Variants in PPARGC1A observed in about 807,000 individuals in gnomAD.
PPARGC1A encodes PPARG coactivator 1 alpha.
In PPARGC1A, 25 loss-of-function variants were observed where a neutral mutation model predicts 88.7. The observed-to-expected ratio is 0.28, with a 90% CI of 0.21 to 0.39. PPARGC1A has a LOEUF of 0.39. Among genes scored for constraint, PPARGC1A ranks in the 10% least tolerant of loss-of-function variants. The pLI is 1.00. For synonymous variants in PPARGC1A, 363 were observed against 355.6 expected (o/e 1.02, Z -0.24); for missense variants, 880 against 968.7 (o/e 0.91, Z 1.22).
At chr4:24,314,522 G>A in the PPARGC1A span, among the ~76,000 whole-genome samples, 3 of 152,136 alleles carry the variant, frequency 2.0e-5, no homozygotes, top group South Asian at 2.1e-4. Flanking sequence ...CCTAGCCTCC[G>A]GAGCAACTCC....
the PPARGC1A span, among the ~76,000 whole-genome samples, chr4:24,187,005 C>T: frequency 5.3e-5 from 8 of 152,266 alleles, no homozygotes; most frequent in East Asian, 1.5e-3. Flanking sequence ...CATTACTCTT[C>T]CTACAATGAG....
At chr4:24,122,422 T>TGC in the PPARGC1A span, among the ~76,000 whole-genome samples, 46 of 126,444 alleles carry the variant, frequency 3.6e-4, no homozygotes, top group African/African-American at 9.0e-4. Flanking sequence ...TGTGCATATA[T>TGC]ATATATATAT....
chr4:24,040,570 T>C, the PPARGC1A span, among the ~76,000 whole-genome samples: 3 of 152,166 alleles, frequency 2.0e-5, no homozygotes, highest in Non-Finnish European at 2.9e-5. Context: ...ATAAAGCTTT[T>C]TAAGAGTACA....
chr4:24,010,772 C>T, the PPARGC1A span, among the ~76,000 whole-genome samples: 3 of 152,160 alleles, frequency 2.0e-5, no homozygotes, highest in Non-Finnish European at 4.4e-5. Flanking sequence ...TTTACACAGC[C>T]TCCTCTGAGC....
chr4:24,284,910 C>A, the PPARGC1A span, among the ~76,000 whole-genome samples: 1 of 152,046 alleles, frequency 6.6e-6, no homozygotes, highest in Non-Finnish European at 1.5e-5. Flanking sequence ...TGCCTGTAAT[C>A]CCAGCTACTT....
the PPARGC1A span, among the ~76,000 whole-genome samples, chr4:24,313,004 G>A: frequency 6.6e-6 from 1 of 152,202 alleles, no homozygotes; most frequent in Non-Finnish European, 1.5e-5. Context: ...CCATTCCAGT[G>A]TGAGGCTTAT....
At chr4:24,423,695 T>G in the PPARGC1A span, among the ~76,000 whole-genome samples, 1 of 152,250 alleles carries the variant, frequency 6.6e-6, no homozygotes, top group African/African-American at 2.4e-5. Flanking sequence ...TCATTGTCAG[T>G]TATTTGCACA....
the PPARGC1A span, among the ~76,000 whole-genome samples, chr4:24,147,346 C>T: frequency 6.6e-6 from 1 of 152,176 alleles, no homozygotes; most frequent in Non-Finnish European, 1.5e-5. Context: ...TTCCCAGCTT[C>T]CTGAATCAGA....
chr4:23,824,450 T>C lies in PPARGC1A; in HGVS notation c.803+13A>G. ...TTCCCTTTCAGAAAATGGTTACATT[T>C]CTTAATACTTACTTTGGTGACTCTG... On this transcript the variant is annotated intron_variant, in intron 6 of 12. Transcript: ENST00000264867. 6.2e-7 allele frequency: 1 copy of C among 1,610,154 alleles called. No homozygotes were observed.
intron 7 of PPARGC1A, chr4:23,820,478 G>T (rs1722820861): frequency 3.9e-6 from 1 of 259,380 alleles, no homozygotes; most frequent in Admixed American, 4.7e-5. Flanking sequence ...ACCTTGTTGA[G>T]CTGACATTGC....
chr4:24,406,795 C>T, the PPARGC1A span, among the ~76,000 whole-genome samples: 1 of 152,192 alleles, frequency 6.6e-6, no homozygotes, highest in African/African-American at 2.4e-5. Flanking sequence ...GATTGACAAG[C>T]AGTGAATCTG....
the PPARGC1A span, among the ~76,000 whole-genome samples, chr4:24,135,247 CATCCT>C: frequency 6.6e-6 from 1 of 152,136 alleles, no homozygotes; most frequent in Non-Finnish European, 1.5e-5. Flanking sequence ...TGTGAGGAGC[CATCCT>C]GAGTGGCTTC....
chr4:24,245,938 C>CACACAT, the PPARGC1A span, among the ~76,000 whole-genome samples: 1 of 151,136 alleles, frequency 6.6e-6, no homozygotes, highest in African/African-American at 2.5e-5. Flanking sequence ...CACACACACA[C>CACACAT]ACACACACAC....
chr4:24,134,424 T>C, the PPARGC1A span, among the ~76,000 whole-genome samples: 2 of 152,250 alleles, frequency 1.3e-5, no homozygotes, highest in Non-Finnish European at 2.9e-5. Context: ...GCTTAAACGC[T>C]TCATTTTGAT....
At chr4:24,218,646 C>T in the PPARGC1A span, among the ~76,000 whole-genome samples, 1 of 152,184 alleles carries the variant, frequency 6.6e-6, no homozygotes, top group Admixed American at 6.5e-5. Context: ...CAGAAAGGAA[C>T]ATTTTTCAAT....
At chr4:24,368,318 C>T in the PPARGC1A span, among the ~76,000 whole-genome samples, 12 of 152,008 alleles carry the variant, frequency 7.9e-5, no homozygotes, top group East Asian at 1.9e-4. Flanking sequence ...GGGTAGCAAT[C>T]GTGAAATATA....
chr4:24,146,503 A>G, the PPARGC1A span, among the ~76,000 whole-genome samples: 1 of 152,240 alleles, frequency 6.6e-6, no homozygotes, highest in Non-Finnish European at 1.5e-5. Context: ...GTATCCCTAC[A>G]CTTGGGACCA....
the PPARGC1A span, among the ~76,000 whole-genome samples, chr4:24,224,482 C>T: frequency 6.6e-6 from 1 of 152,196 alleles, no homozygotes. Context: ...CCTAGCGATG[C>T]CTAAATGCTA....
At chr4:24,134,600 A>G in the PPARGC1A span, among the ~76,000 whole-genome samples, 19 of 152,256 alleles carry the variant, frequency 1.2e-4, no homozygotes, top group Admixed American at 2.0e-4. Context: ...TGTACTTTGT[A>G]TAAATTAAAC....
Sources: allele counts gnomAD v4.1 joint callset (sites outside exome capture counted in the v4.1 genomes callset), GRCh38; gene constraint gnomAD v4.1.1; transcripts MANE v1.5; gene names NCBI Gene and HGNC (gene_info 2026-07-23, HGNC 2026-07-21).